The following RHOBTB1 variants were observed in gnomAD, a reference collection of about 807,000 sequenced individuals.
RHOBTB1 encodes Rho related BTB domain containing 1.
RHOBTB1 carries 40 observed loss-of-function variants against 71.6 expected under a neutral mutation model. That is an observed-to-expected ratio of 0.56 (90% CI 0.43 to 0.73). The LOEUF is 0.73. Ranked by LOEUF, RHOBTB1 falls within the 30% of genes least tolerant of loss-of-function variation. RHOBTB1 has a pLI of 0.00. For synonymous variants in RHOBTB1, 319 were observed against 334.9 expected (o/e 0.95, Z 0.52); for missense variants, 797 against 894.0 (o/e 0.89, Z 1.38).
chr10:60,894,063 T>C (rs1159133227), intron 4 of RHOBTB1, among the ~76,000 whole-genome samples: 1 of 152,236 alleles, frequency 6.6e-6, no homozygotes, highest in Non-Finnish European at 1.5e-5. Flanking sequence ...ACTGTTTATG[T>C]AATGAGAAGA....
intron 1 of RHOBTB1, among the ~76,000 whole-genome samples, chr10:60,995,886 C>T (rs942385364): frequency 2.6e-5 from 4 of 152,000 alleles, no homozygotes; most frequent in Non-Finnish European, 5.9e-5. Context: ...CTGAGACTTG[C>T]CTTTCTTGAA....
intron 1 of RHOBTB1, among the ~76,000 whole-genome samples, chr10:60,994,218 A>T (rs1450861584): frequency 6.6e-6 from 1 of 152,196 alleles, no homozygotes; most frequent in Non-Finnish European, 1.5e-5. Context: ...GTAAACATGC[A>T]GGCTTGACCT....
intron 2 of RHOBTB1, among the ~76,000 whole-genome samples, chr10:60,981,926 T>C (rs1280265698): frequency 2.0e-5 from 3 of 152,098 alleles, no homozygotes; most frequent in Non-Finnish European, 4.4e-5. Flanking sequence ...TGCACCACCA[T>C]GCCTGGCTAA....
At chr10:60,911,088 T>C (rs2082943674) in intron 3 of RHOBTB1, 98 bp from the exon 4 acceptor site, 3 of 926,060 alleles carry the variant, frequency 3.2e-6, no homozygotes, top group African/African-American at 3.3e-5. Flanking sequence ...TCAATTCACT[T>C]GCATTAAGTT....
chr10:60,942,960 G>A (rs373201230), intron 1 of RHOBTB1, among the ~76,000 whole-genome samples: 2 of 152,142 alleles, frequency 1.3e-5, no homozygotes, highest in African/African-American at 4.8e-5. Flanking sequence ...CAAGCTGAGC[G>A]TCTGGCTGGA....
At position 60,956,056 on chromosome 10, in the gene RHOBTB1, A is replaced by G. The variant is rs551328723; in HGVS notation, c.-61-14202T>C. Among the ~76,000 whole-genome samples, 6 of 152,298 alleles carry G rather than the reference A, an allele frequency of 3.9e-5. No individual in the cohort carries two copies. In the Middle Eastern group the frequency reaches 0.01, roughly 259 times the overall value. On this transcript the variant is annotated intron_variant, in intron 2 of 11. Coordinates refer to the RHOBTB1 transcript ENST00000357917. ...GAGAAACATGTCCTTAGGCAATTTC[A>G]TCGTTGTGCAAACATCATACAGTGT...
chr10:60,955,851 G>T (rs1019632499), intron 2 of RHOBTB1, among the ~76,000 whole-genome samples: 2 of 152,166 alleles, frequency 1.3e-5, no homozygotes, highest in African/African-American at 4.8e-5. Flanking sequence ...TATCACGATT[G>T]ATGAAGTATT....
intron 2 of RHOBTB1, among the ~76,000 whole-genome samples, chr10:60,964,325 TG>T (rs2085885870): frequency 6.6e-6 from 1 of 152,070 alleles, no homozygotes; most frequent in African/African-American, 2.4e-5. Context: ...AACGCTCTCC[TG>T]GGTTTTGGGC....
chr10:60,970,277 C>G (rs1485706251), intron 2 of RHOBTB1, among the ~76,000 whole-genome samples: 1 of 151,974 alleles, frequency 6.6e-6, no homozygotes, highest in Non-Finnish European at 1.5e-5. Context: ...ATTTTGAGTA[C>G]AGTGGGGCTT....
chr10:60,891,600 G>A (rs1378671925), intron 5 of RHOBTB1, among the ~76,000 whole-genome samples: 4 of 151,804 alleles, frequency 2.6e-5, no homozygotes, highest in African/African-American at 9.7e-5. Flanking sequence ...CTCCCACCTT[G>A]GCCTCCTGAA....
At chr10:60,989,810 T>C (rs2086793940) in intron 1 of RHOBTB1, among the ~76,000 whole-genome samples, 2 of 152,014 alleles carry the variant, frequency 1.3e-5, no homozygotes, top group South Asian at 4.2e-4. Context: ...CACACAGCAA[T>C]GCAAGCAGGT....
At chr10:60,960,751 A>G (rs942922134) in intron 2 of RHOBTB1, among the ~76,000 whole-genome samples, 1 of 152,132 alleles carries the variant, frequency 6.6e-6, no homozygotes, top group Non-Finnish European at 1.5e-5. Flanking sequence ...CCTGGCAGCT[A>G]CCCCTAATGG....
intron 2 of RHOBTB1, among the ~76,000 whole-genome samples, chr10:60,985,405 C>T (rs1386554410): frequency 3.3e-5 from 5 of 152,116 alleles, no homozygotes; most frequent in Non-Finnish European, 1.5e-5. Context: ...CCAAAAAGGG[C>T]GGATGCTCCA....
intron 2 of RHOBTB1, among the ~76,000 whole-genome samples, chr10:60,964,985 T>C (rs1242941471): frequency 1.3e-5 from 2 of 152,112 alleles, no homozygotes; most frequent in East Asian, 3.9e-4. Flanking sequence ...AAACAAAGTC[T>C]CTGGAAATAA....
At chr10:60,999,965 G>A (rs1396077491) in intron 1 of RHOBTB1, among the ~76,000 whole-genome samples, 3 of 152,152 alleles carry the variant, frequency 2.0e-5, no homozygotes, top group East Asian at 1.9e-4. Context: ...AACTGAACTC[G>A]TTATTTTGCT....
At chr10:60,958,066 G>T (rs1158653754) in intron 2 of RHOBTB1, among the ~76,000 whole-genome samples, 2 of 152,082 alleles carry the variant, frequency 1.3e-5, no homozygotes, top group Non-Finnish European at 2.9e-5. Context: ...GCCAGTAATT[G>T]GGTCCTCGGG....
At chr10:60,929,302 A>G (rs2084087332) in intron 2 of RHOBTB1, among the ~76,000 whole-genome samples, 2 of 152,194 alleles carry the variant, frequency 1.3e-5, no homozygotes, top group Non-Finnish European at 2.9e-5. Context: ...TGCATCCATA[A>G]TAATTGAAAA....
At chr10:60,942,139 G>A (rs1022918104) in intron 1 of RHOBTB1, among the ~76,000 whole-genome samples, 7 of 152,176 alleles carry the variant, frequency 4.6e-5, no homozygotes, top group African/African-American at 1.7e-4. Context: ...AAAACATTTG[G>A]CCACAAACCG....
intron 6 of RHOBTB1, 111 bp downstream of exon 6, chr10:60,888,101 T>G: frequency 8.2e-7 from 1 of 1,224,460 alleles, no homozygotes; most frequent in Non-Finnish European, 1.1e-6. Flanking sequence ...TGGGAAAAAA[T>G]AAGTACGTAT....
Sources: gnomAD v4.1 joint callset for allele counts (sites outside exome capture counted in the v4.1 genomes callset) on GRCh38, gnomAD v4.1.1 for gene constraint, MANE v1.5 for transcripts, NCBI Gene and HGNC (gene_info 2026-07-23, HGNC 2026-07-21) for gene names.